COG3: variants seen among roughly 807,000 people sequenced by gnomAD.
COG3 encodes the protein component of oligomeric golgi complex 3.
COG3 carries 32 observed loss-of-function variants against 114.1 expected under a neutral mutation model. That is an observed-to-expected ratio of 0.28 (90% confidence interval 0.21 to 0.38). COG3 has a LOEUF of 0.38. Ranked by LOEUF, COG3 falls within the 10% of genes least tolerant of loss-of-function variation. The pLI, the probability that COG3 is intolerant of heterozygous loss-of-function variation, is 1.00. For synonymous variants in COG3, 352 were observed against 365.7 expected (o/e 0.96, Z 0.43); for missense variants, 813 against 973.2 (o/e 0.84, Z 2.19).
At chr13:45,500,040 ATGTG>A (rs1273258218) in intron 13 of COG3, among the ~76,000 whole-genome samples, 1,410 of 136,848 alleles carry the variant, frequency 0.01, 36 homozygotes, top group African/African-American at 0.039. Flanking sequence ...ATATATATGT[ATGTG>A]TGTGTGTGTG....
intron 14 of COG3, among the ~76,000 whole-genome samples, chr13:45,507,913 C>A (rs1468587792): frequency 3.4e-5 from 5 of 146,444 alleles, no homozygotes; most frequent in Non-Finnish European, 7.5e-5. Context: ...ACTAAAAGTA[C>A]AGAAAATTAG....
Position 45,535,483 on chromosome 13 carries a change from T to G in COG3, c.*752T>G. The G allele has an allele frequency of 1.0e-6, 1 of 985,420 alleles. No homozygotes were observed. Among genetic ancestry groups the G allele is most frequent in the Non-Finnish European group, 1.2e-6 (1 of 829,958 alleles). The allele number at this position is 985,420 out of a possible 1,614,324, so 61.0% of individuals were successfully genotyped here. On this transcript the variant is annotated 3_prime_UTR_variant, in exon 23 of 23. Transcript: ENST00000349995. ...TGGTATGATAGTGTGTGTTTGTGAGTGCGAAGTACCAATTAAGGTGTCTTA... is the reference window on the plus strand; with the variant it reads ...TGGTATGATAGTGTGTGTTTGTGAGGGCGAAGTACCAATTAAGGTGTCTTA...
intron 20 of COG3, among the ~76,000 whole-genome samples, chr13:45,529,562 G>T (rs1336776810): frequency 1.3e-5 from 2 of 151,496 alleles, no homozygotes; most frequent in Admixed American, 1.3e-4. Context: ...GAGTTATTTT[G>T]CTGCCTTAGC....
intron 20 of COG3, among the ~76,000 whole-genome samples, chr13:45,525,581 TCC>T (rs1491536640): frequency 0.31 from 46,783 of 149,728 alleles, 8,438 homozygotes; most frequent in Admixed American, 0.42. Context: ...TTTGAGATGT[TCC>T]CAGTCTTACT....
At position 45,491,460 on chromosome 13, in the gene COG3, G is replaced by A. The variant is rs1221465438; in HGVS notation, c.1017G>A (p.Arg339=). ...NDIHQCYLDQ[R]ELLLGPSIAC... is the part of the protein sequence containing the mutation. ...TCCACCAGTGTTACCTTGATCAGCG[G>A]GAGCTCCTTTTGGGCCCTAGTATTG... The change falls in exon 10 of 23, where the codon CGG becomes CGA. Residue 339 remains arginine, a synonymous_variant. Coordinates refer to ENST00000349995, the MANE Select transcript of COG3 (RefSeq NM_031431.4). 4.3e-6 allele frequency: 7 copies of A among 1,613,452 alleles called. No homozygotes were observed. Among genetic ancestry groups the A allele is most frequent in the African/African-American group, 4.0e-5 (3 of 74,882 alleles).
chr13:45,482,284 T>G, intron 5 of COG3, 97 bp from the exon 6 acceptor site: 1 of 574,030 alleles, frequency 1.7e-6, no homozygotes, highest in East Asian at 3.1e-5. Context: ...AGACATGTTA[T>G]GTCCTAAAGG....
chr13:45,494,117 G>A (rs2137834528), intron 12 of COG3, among the ~76,000 whole-genome samples: 1 of 152,120 alleles, frequency 6.6e-6, no homozygotes, highest in East Asian at 1.9e-4. Flanking sequence ...CTGAGGTCAG[G>A]AGTTCAAGAA....
At chr13:45,504,603 G>A (rs1222507746) in intron 14 of COG3, among the ~76,000 whole-genome samples, 1 of 152,174 alleles carries the variant, frequency 6.6e-6, no homozygotes, top group African/African-American at 2.4e-5. Context: ...TTTGAACCAG[G>A]GTGGTGTTGG....
chr13:45,500,090 GTGTGTA>G (rs1167345587), intron 13 of COG3, among the ~76,000 whole-genome samples: 8 of 42,680 alleles, frequency 1.9e-4, no homozygotes, highest in Admixed American at 1.5e-3. Context: ...GTGTGTGTGT[GTGTGTA>G]TATATATATA....
chr13:45,487,905 A>C lies in COG3; in HGVS notation c.924+1330A>C, dbSNP rs542715439. ...TGGGTATTTATCCAAAGGCAAGGAA[A>C]TCAGTATATCAAAGGGATACCTGTG... On this transcript the variant is annotated intron_variant, in intron 8 of 22. Transcript: ENST00000349995. Among the ~76,000 whole-genome samples, 3 of 152,238 alleles carry C rather than the reference A, an allele frequency of 2.0e-5. No individual in the cohort carries two copies. The East Asian group carries it at 5.8e-4, about 29-fold the overall frequency.
chr13:45,480,348 A>T (rs553387280), intron 4 of COG3, 58 bp downstream of exon 4: 2 of 1,156,162 alleles, frequency 1.7e-6, no homozygotes, highest in East Asian at 2.6e-5. Context: ...AAATAGATGA[A>T]TACAGTTTTA....
At chr13:45,504,710 T>C (rs1394726618) in intron 14 of COG3, among the ~76,000 whole-genome samples, 1 of 152,196 alleles carries the variant, frequency 6.6e-6, no homozygotes. Flanking sequence ...ATAAGGTCCA[T>C]GTGGAACAAC....
chr13:45,509,618 A>T (rs1166921939), intron 14 of COG3, 74 bp from the exon 15 acceptor site: 5 of 1,577,752 alleles, frequency 3.2e-6, no homozygotes, highest in Non-Finnish European at 4.3e-6. Context: ...AGCAGTTTAT[A>T]GTTGCCATGT....
At chr13:45,524,212 G>A (rs1872463829) in intron 19 of COG3, among the ~76,000 whole-genome samples, 1 of 152,140 alleles carries the variant, frequency 6.6e-6, no homozygotes, top group South Asian at 2.1e-4. Context: ...TTCCCGTGAG[G>A]CCAAAGCCAT....
chr13:45,518,344 T>C (rs1376953753), intron 17 of COG3, among the ~76,000 whole-genome samples: 9 of 152,242 alleles, frequency 5.9e-5, no homozygotes, highest in Non-Finnish European at 1.0e-4. Context: ...TTTGGTGTTT[T>C]CTTCTTGGCT....
rs1240383224 is a variant in COG3, at chr13:45,490,934, A to G, written c.944A>G (p.Glu315Gly). ...PKVRTLIEQI[E>G]LRSEKIPEYQ... ...TTGCAGACTCTTATTGAACAAATAG[A>G]ACTGCGGTCTGAAAAAATACCTGAG... Residue 315 changes from glutamate (E) to glycine (G), a missense_variant, in exon 9 of 23, where the codon GAA becomes GGA. Glu to Gly is a moderately conservative substitution (Grantham distance 98). Transcript: ENST00000349995. 1.2e-6 allele frequency: 2 copies of G among 1,602,060 alleles called. No individual in the cohort carries two copies. Among genetic ancestry groups the G allele is most frequent in the East Asian group, 2.2e-5 (1 of 44,536 alleles).
intron 19 of COG3, among the ~76,000 whole-genome samples, chr13:45,522,260 C>A (rs761717956): frequency 2.6e-5 from 4 of 152,092 alleles, no homozygotes; most frequent in Non-Finnish European, 5.9e-5. Flanking sequence ...ACAAAATGTC[C>A]TCAGCTTGTT....
chr13:45,487,842 A>T (rs1289765468), intron 8 of COG3, among the ~76,000 whole-genome samples: 1 of 152,216 alleles, frequency 6.6e-6, no homozygotes, highest in East Asian at 1.9e-4. Flanking sequence ...TCAAAAAACT[A>T]AAAATAGAGC....
intron 14 of COG3, among the ~76,000 whole-genome samples, chr13:45,505,242 A>G (rs1434778859): frequency 2.0e-5 from 3 of 151,990 alleles, no homozygotes; most frequent in African/African-American, 7.2e-5. Context: ...TATTGATTAC[A>G]TGTTAAAATG....
Sources: gnomAD v4.1 joint callset for allele counts (sites outside exome capture counted in the v4.1 genomes callset) on GRCh38, gnomAD v4.1.1 for gene constraint, MANE v1.5 for transcripts, NCBI Gene and HGNC (gene_info 2026-07-23, HGNC 2026-07-21) for gene names.